MGAT3: variants seen among roughly 807,000 people sequenced by gnomAD.
MGAT3 encodes GlcNAc-T III.
MGAT3 carries 9 observed loss-of-function variants against 29.8 expected under a neutral mutation model. The ratio of observed to expected loss-of-function variants is 0.30; its 90% confidence interval spans 0.18 to 0.53. The LOEUF is 0.53. MGAT3 is among the 20% of genes least tolerant of loss of function. MGAT3 has a pLI of 0.96. For synonymous variants in MGAT3, 397 were observed against 348.9 expected (o/e 1.14, Z -1.54); for missense variants, 557 against 769.5 (o/e 0.72, Z 3.27).
intron 1 of MGAT3, among the ~76,000 whole-genome samples, chr22:39,464,131 C>T (rs983948319): frequency 1.3e-5 from 2 of 152,170 alleles, no homozygotes; most frequent in South Asian, 2.1e-4. Flanking sequence ...CCACCGCCCC[C>T]GCCATGCTGT....
In MGAT3 at chr22:39,491,537, C is replaced by G. The variant is rs5995742; in HGVS notation, c.*2588C>G. On this transcript the variant is annotated 3_prime_UTR_variant, in exon 2 of 2. Coordinates refer to ENST00000341184, the MANE Select transcript of MGAT3 (RefSeq NM_002409.5). The surrounding 1 kb of genome is among the most constrained non-coding windows in gnomAD (Gnocchi z 5.5). ...TCCAGGGCACCAGCTCAGGGCTAAGCGAAGGAAGATAGGAGCAGCTCAGAG... is the reference window on the plus strand; with the variant it reads ...TCCAGGGCACCAGCTCAGGGCTAAGGGAAGGAAGATAGGAGCAGCTCAGAG... 15,393 of 166,348 alleles carry G rather than the reference C, an allele frequency of 0.093. 1,488 individuals are homozygous for G. The highest frequency in any genetic ancestry group is 0.26 in the African/African-American group (10,599 of 41,496). 10.3% of individuals were successfully genotyped at this position (166,348 alleles called of 1,614,324 possible).
intron 1 of MGAT3, among the ~76,000 whole-genome samples, chr22:39,465,327 A>G (rs1928609789): frequency 6.6e-6 from 1 of 152,088 alleles, no homozygotes; most frequent in Non-Finnish European, 1.5e-5. Context: ...CTCTGCAAAA[A>G]TGGGTGGGTT....
chr22:39,466,109 A>C (rs575606739), intron 1 of MGAT3, among the ~76,000 whole-genome samples: 1 of 152,228 alleles, frequency 6.6e-6, no homozygotes, highest in South Asian at 2.1e-4. Flanking sequence ...GATGGTGGGG[A>C]CACTGCCCTG....
chr22:39,486,251 A>G, intron 1 of MGAT3: 1 of 383,978 alleles, frequency 2.6e-6, no homozygotes, highest in Non-Finnish European at 5.1e-6. Context: ...GGGTTCAAGT[A>G]ATTCTCCTGC....
chr22:39,480,234 C>T (rs1222462375), intron 1 of MGAT3, among the ~76,000 whole-genome samples: 1 of 152,122 alleles, frequency 6.6e-6, no homozygotes, highest in Non-Finnish European at 1.5e-5. Context: ...TGAGTAAGAG[C>T]CAGAGTATGG....
chr22:39,485,146 T>G (rs1397411697), intron 1 of MGAT3, among the ~76,000 whole-genome samples: 1 of 152,196 alleles, frequency 6.6e-6, no homozygotes, highest in Non-Finnish European at 1.5e-5. Context: ...TTTCTGTGAC[T>G]CAGTGGGTTC....
At chr22:39,481,943 G>C (rs563967490) in intron 1 of MGAT3, among the ~76,000 whole-genome samples, 61 of 152,200 alleles carry the variant, frequency 4.0e-4, no homozygotes, top group Admixed American at 7.9e-4. Context: ...CTGATGGTTT[G>C]TCAATGCTTT....
chr22:39,459,176 C>T (rs1159254047), intron 1 of MGAT3, among the ~76,000 whole-genome samples: 1 of 151,230 alleles, frequency 6.6e-6, no homozygotes, highest in Non-Finnish European at 1.5e-5. Context: ...TGGGTTCAAG[C>T]AATTGTCCCA....
chr22:39,471,246 G>T (rs2145715971), intron 1 of MGAT3, among the ~76,000 whole-genome samples: 1 of 152,266 alleles, frequency 6.6e-6, no homozygotes, highest in Non-Finnish European at 1.5e-5. Flanking sequence ...AGTTTGTTCG[G>T]GCCTGTAAGG....
chr22:39,458,068 C>A (rs1309858602), intron 1 of MGAT3, among the ~76,000 whole-genome samples: 1 of 152,166 alleles, frequency 6.6e-6, no homozygotes, highest in East Asian at 1.9e-4. Flanking sequence ...CCGTAGCTAC[C>A]CCTGGGGACC....
At chr22:39,468,336 C>T (rs1412591256) in intron 1 of MGAT3, among the ~76,000 whole-genome samples, 1 of 152,250 alleles carries the variant, frequency 6.6e-6, no homozygotes, top group African/African-American at 2.4e-5. Context: ...CATTCCCTCA[C>T]TCAGCAGCGC....
intron 1 of MGAT3, among the ~76,000 whole-genome samples, chr22:39,460,831 G>A (rs979651601): frequency 6.6e-6 from 1 of 151,980 alleles, no homozygotes; most frequent in Non-Finnish European, 1.5e-5. Flanking sequence ...AATGGGGGTG[G>A]GGTGCACTGT....
intron 1 of MGAT3, among the ~76,000 whole-genome samples, chr22:39,462,717 G>A (rs1195225876): frequency 2.0e-5 from 3 of 152,168 alleles, no homozygotes. Context: ...GAAGTTAACC[G>A]ACTTGTCACG....
chr22:39,475,057 C>T (rs922643729), intron 1 of MGAT3, among the ~76,000 whole-genome samples: 21 of 151,808 alleles, frequency 1.4e-4, no homozygotes, highest in African/African-American at 4.9e-4. Flanking sequence ...TCACCAATCA[C>T]CCCCTCCTCA....
At position 39,466,731 on chromosome 22, in the gene MGAT3, G is replaced by A. The variant is rs561769540; in HGVS notation, c.-2+9174G>A. Among the ~76,000 whole-genome samples, 7 of 152,362 alleles carry A rather than the reference G, an allele frequency of 4.6e-5. No individual in the cohort carries two copies. In the East Asian group the frequency reaches 7.7e-4, roughly 17 times the overall value. The stretch of plus-strand genomic sequence containing the variant: ...ACCTCCATGCTGAAGCCCAGCGGGC[G>A]TGGTCATCCCTGTTGGCTGATGTTG... On this transcript the variant is annotated intron_variant, in intron 1 of 1. Transcript: ENST00000341184.
chr22:39,462,830 C>A (rs1320857330), intron 1 of MGAT3, among the ~76,000 whole-genome samples: 1 of 152,226 alleles, frequency 6.6e-6, no homozygotes. Context: ...CATTCACACA[C>A]CTAATTACCG....
chr22:39,459,618 C>T (rs567223799), intron 1 of MGAT3, among the ~76,000 whole-genome samples: 1 of 152,208 alleles, frequency 6.6e-6, no homozygotes, highest in South Asian at 2.1e-4. Context: ...CGTGAGCCAA[C>T]ACACCCTGCT....
At chr22:39,467,985 CT>C (rs1254756280) in intron 1 of MGAT3, among the ~76,000 whole-genome samples, 1 of 151,936 alleles carries the variant, frequency 6.6e-6, no homozygotes, top group Non-Finnish European at 1.5e-5. Context: ...ATTGGCAGCT[CT>C]GCTGAGCTGG....
intron 1 of MGAT3, among the ~76,000 whole-genome samples, chr22:39,458,055 C>T (rs900448311): frequency 6.6e-6 from 1 of 152,232 alleles, no homozygotes; most frequent in East Asian, 1.9e-4. Context: ...GCGGGGGCTG[C>T]GGCCGTAGCT....
Sources: allele counts gnomAD v4.1 joint callset (sites outside exome capture counted in the v4.1 genomes callset), GRCh38; gene constraint gnomAD v4.1.1; non-coding constraint Gnocchi (gnomAD v3.1); transcripts MANE v1.5; gene names NCBI Gene and HGNC (gene_info 2026-07-23, HGNC 2026-07-21).